The following PHF20L1 variants were observed in gnomAD, a reference collection of about 807,000 sequenced individuals.
PHF20L1 encodes the protein PHD finger protein 20-like protein 1.
In PHF20L1, 44 loss-of-function variants were observed where a neutral mutation model predicts 125.5. The observed-to-expected ratio is 0.35, with a 90% CI of 0.28 to 0.45. PHF20L1 has a LOEUF of 0.45. Among genes scored for constraint, PHF20L1 ranks in the 20% least tolerant of loss-of-function variants. The pLI is 1.00. For missense variants in PHF20L1, 1,012 were observed against 1,217.2 expected (o/e 0.83, Z 2.51); for synonymous variants, 380 against 403.1 (o/e 0.94, Z 0.69).
At chr8:132,822,285 TTTTA>T (rs1184820151) in intron 12 of PHF20L1, among the ~76,000 whole-genome samples, 5 of 151,900 alleles carry the variant, frequency 3.3e-5, no homozygotes, top group African/African-American at 4.8e-5. Flanking sequence ...TTCATAACTG[TTTTA>T]TTTGTCTTCC....
At position 132,847,543 on chromosome 8, in the gene PHF20L1, G is replaced by T. The variant is rs1838505927; in HGVS notation, c.*1620G>T. On this transcript the variant is annotated 3_prime_UTR_variant, in exon 21 of 21. Transcript: ENST00000395386. Reference sequence around the variant, plus strand: ...GCAAACACATTGTTCTATATGTAAGGGTACTGTATGTAAAACTCTGTATTA... The same window carrying T: ...GCAAACACATTGTTCTATATGTAAGTGTACTGTATGTAAAACTCTGTATTA... 6.6e-6 allele frequency: 1 copy of T among 152,448 alleles called. No homozygotes were observed. The highest frequency in any genetic ancestry group is 1.5e-5 in the Non-Finnish European group (1 of 67,984). The allele number at this position is 152,448 out of a possible 1,614,324, so 9.4% of individuals were successfully genotyped here. A position where few individuals can be genotyped will look rare whatever the true frequency, so the allele number is the denominator to read the frequency against.
intron 14 of PHF20L1, among the ~76,000 whole-genome samples, chr8:132,829,569 C>G (rs1366044199): frequency 6.6e-6 from 1 of 152,012 alleles, no homozygotes; most frequent in African/African-American, 2.4e-5. Flanking sequence ...TAGTGCTGCC[C>G]AAAGACTGCT....
intron 12 of PHF20L1, chr8:132,818,788 G>T (rs1563827060): frequency 6.6e-6 from 1 of 151,628 alleles, no homozygotes; most frequent in Non-Finnish European, 1.5e-5. Context: ...GTCTTATTCG[G>T]TTCTTTAACG....
intron 2 of PHF20L1, among the ~76,000 whole-genome samples, chr8:132,793,204 G>A (rs947865131): frequency 5.9e-5 from 9 of 151,954 alleles, no homozygotes; most frequent in South Asian, 4.1e-4. Flanking sequence ...GGGCTCGGAC[G>A]GAAAGAATAG....
intron 2 of PHF20L1, among the ~76,000 whole-genome samples, chr8:132,789,429 T>A (rs1256463128): frequency 6.6e-6 from 1 of 152,198 alleles, no homozygotes; most frequent in Admixed American, 6.5e-5. Context: ...TAGAGGACTT[T>A]AATTCAAAAG....
In PHF20L1 at chr8:132,836,555, A is replaced by C. The variant is rs770348651; in HGVS notation, c.1925A>C (p.Asp642Ala). ...TATATTCTAGACTTATCAGATGTAG[A>C]CTTCCTAGATGATTCTTCAACGGAG... is the stretch of plus-strand genomic sequence containing the variant. ...DLSGENLSDV[D>A]FLDDSSTESL... The change falls in exon 16 of 21, where the codon GAC (aspartate) becomes GCC (alanine). Residue 642 changes from aspartate to alanine, a missense_variant. By Grantham distance (126) the Asp-to-Ala change is moderately radical. Around this residue, in one of 7 missense-constraint regions of PHF20L1, gnomAD observed 320 missense variants for 293.8 expected, o/e 1.09. Transcript: ENST00000395386. 7 of 1,607,858 alleles carry C rather than the reference A, an allele frequency of 4.4e-6. No individual in the cohort carries two copies. In the East Asian group the frequency reaches 1.6e-4, roughly 36 times the overall value.
At chr8:132,825,074 T>A (rs1267263859) in intron 13 of PHF20L1, 190 bp from the exon 14 acceptor site, 1 of 1,497,222 alleles carries the variant, frequency 6.7e-7, no homozygotes, top group Non-Finnish European at 9.1e-7. Context: ...CTAATGAAGA[T>A]CCCCTCTTAT....
intron 20 of PHF20L1, 126 bp from the exon 21 acceptor site, chr8:132,845,655 G>C (rs1380952371): frequency 1.5e-6 from 1 of 670,894 alleles, no homozygotes; most frequent in Non-Finnish European, 2.7e-6. Context: ...TCTTGAGTAT[G>C]TTGGCCTTCT....
chr8:132,805,703 A>T (rs1833609820), intron 8 of PHF20L1, among the ~76,000 whole-genome samples: 1 of 151,952 alleles, frequency 6.6e-6, no homozygotes, highest in Non-Finnish European at 1.5e-5. Context: ...TTCTGAAGAG[A>T]GGAAGCTAAC....
chr8:132,785,537 C>A (rs1449411270), intron 2 of PHF20L1, among the ~76,000 whole-genome samples: 1 of 152,086 alleles, frequency 6.6e-6, no homozygotes, highest in Non-Finnish European at 1.5e-5. Context: ...CAGCTTAGTT[C>A]TGCTGTTCTT....
At chr8:132,780,210 A>T (rs1007405058) in intron 2 of PHF20L1, among the ~76,000 whole-genome samples, 1 of 152,096 alleles carries the variant, frequency 6.6e-6, no homozygotes, top group Non-Finnish European at 1.5e-5. Context: ...GTGCCCCTTA[A>T]ATTTAGTATT....
chr8:132,799,830 G>A (rs538465151), intron 6 of PHF20L1: 1 of 151,814 alleles, frequency 6.6e-6, no homozygotes, highest in African/African-American at 2.4e-5. Context: ...ATTTAGTTAT[G>A]AAATGATTAG....
chr8:132,809,515 CTTTAGG>C (rs1053729861), intron 8 of PHF20L1: 5 of 152,142 alleles, frequency 3.3e-5, no homozygotes, highest in Non-Finnish European at 7.4e-5. Context: ...CACTTAACTT[CTTTAGG>C]GTAGCTGTCT....
At chr8:132,836,747 T>C in intron 16 of PHF20L1, 26 bp downstream of exon 16, 1 of 1,554,080 alleles carries the variant, frequency 6.4e-7, no homozygotes, top group Non-Finnish European at 8.9e-7. Context: ...CTCTTCCCTA[T>C]AATGAGTTAG....
intron 15 of PHF20L1, among the ~76,000 whole-genome samples, chr8:132,834,928 A>G (rs1837174453): frequency 6.6e-6 from 1 of 152,166 alleles, no homozygotes; most frequent in East Asian, 1.9e-4. Context: ...TTATTTTTCT[A>G]TAAAACATTA....
chr8:132,831,986 CA>C (rs1836829694), intron 14 of PHF20L1, among the ~76,000 whole-genome samples: 1 of 152,056 alleles, frequency 6.6e-6, no homozygotes. Context: ...TAGTACTTCA[CA>C]AAAGTTTACA....
chr8:132,840,699 TAAGCTTCTACCACTA>T (rs1837844930), intron 18 of PHF20L1, among the ~76,000 whole-genome samples: 4 of 152,142 alleles, frequency 2.6e-5, no homozygotes, highest in African/African-American at 9.7e-5. Context: ...ACACCCAGGA[TAAGCTTCTACCACTA>T]GTGCCCCTAG....
At chr8:132,782,663 C>T (rs1423643882) in intron 2 of PHF20L1, among the ~76,000 whole-genome samples, 2 of 152,068 alleles carry the variant, frequency 1.3e-5, no homozygotes, top group Non-Finnish European at 2.9e-5. Flanking sequence ...TTGAAGCAGC[C>T]TGCAGCCTTT....
chr8:132,827,509 CT>C (rs1836310833), intron 14 of PHF20L1, among the ~76,000 whole-genome samples: 1 of 152,000 alleles, frequency 6.6e-6, no homozygotes, highest in Non-Finnish European at 1.5e-5. Context: ...GACACAGAAT[CT>C]TACATACAAA....
Sources: allele counts gnomAD v4.1 joint callset (sites outside exome capture counted in the v4.1 genomes callset), GRCh38; gene constraint gnomAD v4.1.1; regional missense constraint gnomAD v4.1.1; transcripts MANE v1.5; gene names NCBI Gene and HGNC (gene_info 2026-07-23, HGNC 2026-07-21).